The following FLVCR2 variants were observed in gnomAD, a reference collection of about 807,000 sequenced individuals.
The protein encoded by FLVCR2 is FLVCR choline and putative heme transporter 2.
FLVCR2 carries 38 observed loss-of-function variants against 48.9 expected under a neutral mutation model. That is an observed-to-expected ratio of 0.78 (90% confidence interval 0.60 to 1.02). The LOEUF is 1.02. Ranked by LOEUF, FLVCR2 falls within the 50% of genes least tolerant of loss-of-function variation. The pLI, the probability that FLVCR2 is intolerant of heterozygous loss-of-function variation, is 0.00. For synonymous variants in FLVCR2, 255 were observed against 257.0 expected, an observed-to-expected ratio of 0.99 and a Z score of 0.07; for missense variants, 664 against 663.3, an observed-to-expected ratio of 1.00 and a Z score of -0.01.
chr14:75,644,944 A>G (rs1159643050), intron 9 of FLVCR2, among the ~76,000 whole-genome samples: 3 of 152,122 alleles, frequency 2.0e-5, no homozygotes, highest in Non-Finnish European at 4.4e-5. Context: ...CTTCTAGCAC[A>G]TAGACAGTAG....
intron 3 of FLVCR2, among the ~76,000 whole-genome samples, chr14:75,629,434 T>C (rs1889984539): frequency 6.6e-6 from 1 of 152,222 alleles, no homozygotes; most frequent in Non-Finnish European, 1.5e-5. Flanking sequence ...CCTTCCTCTC[T>C]CCTTTAACTT....
chr14:75,583,097 C>T (rs374012648), intron 1 of FLVCR2, among the ~76,000 whole-genome samples: 4 of 151,952 alleles, frequency 2.6e-5, no homozygotes, highest in African/African-American at 9.7e-5. Context: ...CAAGTGAAAG[C>T]GAAGAGAGGC....
intron 1 of FLVCR2, among the ~76,000 whole-genome samples, chr14:75,581,294 G>C (rs2140000724): frequency 6.6e-6 from 1 of 152,336 alleles, no homozygotes; most frequent in East Asian, 1.9e-4. Context: ...TCTAATTAGA[G>C]AGTGTCCAAA....
chr14:75,634,291 C>G (rs1269484577), intron 4 of FLVCR2, among the ~76,000 whole-genome samples: 1 of 152,118 alleles, frequency 6.6e-6, no homozygotes, highest in Non-Finnish European at 1.5e-5. Context: ...GGCCTGAGTT[C>G]AGATCCTAGC....
At position 75,634,943 on chromosome 14, in the gene FLVCR2, A is replaced by G; in HGVS notation, c.1054A>G (p.Thr352Ala). Residue 352 changes from threonine (T) to alanine (A), a missense_variant, in exon 5 of 10, where the codon ACG (threonine) becomes GCG (alanine). By Grantham distance (58) the Thr-to-Ala change is moderately conservative. Coordinates refer to ENST00000238667, the MANE Select transcript of FLVCR2 (RefSeq NM_017791.3). ...EEVNAGRIGLTIVIAGMLGAV... is the reference protein window; with the variant it reads ...EEVNAGRIGLAIVIAGMLGAV... ...AGTGAATGCTGGAAGAATTGGCCTG[A>G]CGATCGTCATTGCAGGAATGCTTGG... 6.2e-7 allele frequency: 1 copy of G among 1,614,024 alleles called. No individual in the cohort carries two copies. Among genetic ancestry groups the G allele is most frequent in the Non-Finnish European group, 8.5e-7 (1 of 1,179,918 alleles).
intron 3 of FLVCR2, among the ~76,000 whole-genome samples, chr14:75,627,897 C>T (rs186788538): frequency 3.0e-4 from 45 of 152,240 alleles, no homozygotes; most frequent in East Asian, 2.5e-3. Flanking sequence ...AAATTTTTGA[C>T]GGAGGAATCA....
chr14:75,640,927 C>T (rs1276011678), intron 6 of FLVCR2, 28 bp from the exon 7 acceptor site: 5 of 1,505,686 alleles, frequency 3.3e-6, no homozygotes, highest in Non-Finnish European at 4.6e-6. Flanking sequence ...AGTTCTTCAT[C>T]CCCTTGTTTC....
intron 1 of FLVCR2, among the ~76,000 whole-genome samples, chr14:75,588,133 G>T (rs1888795321): frequency 6.6e-6 from 1 of 152,218 alleles, no homozygotes; most frequent in African/African-American, 2.4e-5. Flanking sequence ...TTTAGTAAAT[G>T]CCTTAGTTTG....
chr14:75,586,644 A>G (rs1888756878), intron 1 of FLVCR2, among the ~76,000 whole-genome samples: 1 of 152,140 alleles, frequency 6.6e-6, no homozygotes, highest in South Asian at 2.1e-4. Flanking sequence ...CATCTTTACT[A>G]CCAGGAAGGT....
rs564694919 is a variant in FLVCR2, at chr14:75,589,876, C to T, written c.669+10235C>T. On this transcript the variant is annotated intron_variant, in intron 1 of 9. Transcript: ENST00000238667. Reference sequence around the variant, plus strand: ...GCTGGGGTAGCCAAGGAATGCCATGCCAGAATGCAAGGAGCAGAGTTCTGA... The same window carrying T: ...GCTGGGGTAGCCAAGGAATGCCATGTCAGAATGCAAGGAGCAGAGTTCTGA... Among the ~76,000 whole-genome samples, 11 of 152,318 alleles carry T rather than the reference C, an allele frequency of 7.2e-5. No homozygotes were observed. In the South Asian group the frequency reaches 2.3e-3, roughly 32 times the overall value.
At chr14:75,645,917 CAAAA>C (rs33996926) in intron 9 of FLVCR2, among the ~76,000 whole-genome samples, 13 of 93,916 alleles carry the variant, frequency 1.4e-4, no homozygotes, top group Non-Finnish European at 8.4e-5. Context: ...GACTCCATCT[CAAAA>C]AAAAAAAAAA....
chr14:75,584,705 T>A (rs999451644), intron 1 of FLVCR2, among the ~76,000 whole-genome samples: 2 of 152,174 alleles, frequency 1.3e-5, no homozygotes, highest in Non-Finnish European at 2.9e-5. Context: ...CCGGCAGTTA[T>A]CAGCGTGAGA....
chr14:75,597,776 G>A (rs952664743), intron 1 of FLVCR2, among the ~76,000 whole-genome samples: 8 of 152,056 alleles, frequency 5.3e-5, no homozygotes, highest in Non-Finnish European at 1.0e-4. Context: ...CACCATGTCG[G>A]CCAGGCTGGT....
intron 2 of FLVCR2, 129 bp downstream of exon 2, chr14:75,622,349 T>C: frequency 1.0e-6 from 1 of 968,892 alleles, no homozygotes. Flanking sequence ...GAGTCTGGGC[T>C]TCTTATGGTC....
rs192086806 is a variant in FLVCR2, at chr14:75,637,454, C to T, written c.1125-1898C>T. 2.7e-4 allele frequency among the ~76,000 whole-genome samples: 41 copies of T among 152,230 alleles called. No homozygotes were observed. In the East Asian group the frequency reaches 4.4e-3, roughly 16 times the overall value. The stretch of plus-strand genomic sequence containing the variant: ...AAGCTTTAAAGATTTTGGCCAGGTG[C>T]GGTGGCTCACGCCTGTAATCCCAGC... On this transcript the variant is annotated intron_variant, in intron 5 of 9. Transcript: ENST00000238667.
Position 75,640,994 on chromosome 14 carries a change from T to C in FLVCR2, c.1275T>C (p.Phe425=), listed in dbSNP as rs781273864. The C allele has an allele frequency of 1.9e-6, 3 of 1,614,054 alleles. No homozygotes were observed. Among genetic ancestry groups the C allele is most frequent in the Non-Finnish European group, 2.5e-6 (3 of 1,180,014 alleles). The change falls in exon 7 of 10, where the codon TTT becomes TTC. Residue 425 remains phenylalanine (F), a synonymous_variant. Transcript: ENST00000238667. The part of the protein sequence containing the change: ...MTGYLPLGFE[F]AVELTYPESE... ...GCTATCTCCCACTGGGATTTGAGTT[T>C]GCTGTGGAGCTCACGTACCCAGAAT...
intron 1 of FLVCR2, among the ~76,000 whole-genome samples, chr14:75,621,457 G>T (rs1297971149): frequency 1.3e-5 from 2 of 151,630 alleles, no homozygotes; most frequent in South Asian, 2.1e-4. Flanking sequence ...ATTTGTTGGG[G>T]GTGTGTGTGT....
rs1390340927 is a variant in FLVCR2 at position 75,622,066 on chromosome 14, C to G, written c.670-13C>G. Reference sequence around the variant, plus strand: ...ATTGGTAACTGTGATTGGGTTGTCTCTGTCTTCTATAGCTTGGAATTGCGA... The same window carrying G: ...ATTGGTAACTGTGATTGGGTTGTCTGTGTCTTCTATAGCTTGGAATTGCGA... On this transcript the variant is annotated splice_polypyrimidine_tract_variant and intron_variant, in intron 1 of 9. Coordinates refer to ENST00000238667, the MANE Select transcript of FLVCR2 (RefSeq NM_017791.3). The G allele has an allele frequency of 6.2e-7, 1 of 1,614,012 alleles. No homozygotes were observed. Among genetic ancestry groups the G allele is most frequent in the Non-Finnish European group, 8.5e-7 (1 of 1,179,990 alleles).
At chr14:75,632,361 T>C (rs945158522) in intron 3 of FLVCR2, among the ~76,000 whole-genome samples, 2 of 152,070 alleles carry the variant, frequency 1.3e-5, no homozygotes, top group South Asian at 2.1e-4. Context: ...CCTCTGGTGA[T>C]ACAAATGGAC....
Sources: allele counts gnomAD v4.1 joint callset (sites outside exome capture counted in the v4.1 genomes callset), GRCh38; gene constraint gnomAD v4.1.1; transcripts MANE v1.5; gene names NCBI Gene and HGNC (gene_info 2026-07-23, HGNC 2026-07-21).